PAQR5: variants seen among roughly 807,000 people sequenced by gnomAD.
PAQR5 encodes progestin and adipoQ receptor family member 5.
A neutral mutation model predicts 34.5 loss-of-function variants in PAQR5; 20 were observed. The observed-to-expected ratio is 0.58, with a 90% CI of 0.41 to 0.84. PAQR5 has a LOEUF of 0.84. PAQR5 is among the 40% of genes least tolerant of loss of function. PAQR5 has a pLI of 0.00. For synonymous variants in PAQR5, 131 were observed against 155.6 expected, an observed-to-expected ratio of 0.84 and a Z score of 1.18; for missense variants, 378 against 412.7, an observed-to-expected ratio of 0.92 and a Z score of 0.73.
rs536101497 is a variant in PAQR5, at chr15:69,366,380, T to C, written c.51+6249T>C. Among the ~76,000 whole-genome samples, 9 of 152,318 alleles carry C rather than the reference T, an allele frequency of 5.9e-5. 1 individual carries two copies. In the South Asian group the frequency reaches 1.9e-3, roughly 32 times the overall value. ...TTGATGAACAGGTGAGTTGTTTCTA[T>C]TTTTTGGATATTATAAATATGCTGC... On this transcript the variant is annotated intron_variant, in intron 3 of 8. Transcript: ENST00000395407.
chr15:69,331,482 C>T (rs895795766), intron 1 of PAQR5, among the ~76,000 whole-genome samples: 1 of 152,126 alleles, frequency 6.6e-6, no homozygotes, highest in Non-Finnish European at 1.5e-5. Flanking sequence ...CTGTCTATCT[C>T]GTCTTTGTGT....
In PAQR5 at chr15:69,384,874, T is replaced by C; in HGVS notation, c.377T>C (p.Phe126Ser). 6.2e-7 allele frequency: 1 copy of C among 1,613,512 alleles called. No individual in the cohort carries two copies. Among genetic ancestry groups the C allele is most frequent in the East Asian group, 2.2e-5 (1 of 44,880 alleles). Residue 126 changes from phenylalanine to serine, a missense_variant, in exon 5 of 9, where the codon TTC becomes TCC. Phe to Ser is a radical substitution (Grantham distance 155). Coordinates refer to ENST00000395407, the MANE Select transcript of PAQR5 (RefSeq NM_017705.4). ...YFLDYGAVNL[F>S]SLGSAIAYSA... The stretch of plus-strand genomic sequence containing the variant: ...CTGGACTATGGTGCCGTCAACCTCT[T>C]CAGCCTGGGTATGTGAGGCCTTGTT...
intron 3 of PAQR5, among the ~76,000 whole-genome samples, chr15:69,379,166 C>A (rs1208618178): frequency 6.6e-6 from 1 of 152,130 alleles, no homozygotes; most frequent in Non-Finnish European, 1.5e-5. Context: ...GGCTGTTGTG[C>A]CTCTGGCCTC....
Position 69,379,901 on chromosome 15 carries a change from A to T in PAQR5, c.70A>T (p.Ile24Phe), listed in dbSNP as rs778022331. The part of the protein sequence containing the change: ...QIPQVFHEQG[I>F]LFGYRHPQSS... ...TCTGCAGGTGTTCCATGAGCAAGGCATCCTGTTCGGCTACCGCCATCCACA... is the reference window on the plus strand; with the variant it reads ...TCTGCAGGTGTTCCATGAGCAAGGCTTCCTGTTCGGCTACCGCCATCCACA... The change falls in exon 4 of 9, where the codon ATC (isoleucine) becomes TTC (phenylalanine). Residue 24 changes from isoleucine (I) to phenylalanine (F), a missense_variant. By Grantham distance (21) the Ile-to-Phe change is conservative. Transcript: ENST00000395407. 1.9e-6 allele frequency: 3 copies of T among 1,614,090 alleles called. No individual in the cohort carries two copies. Among genetic ancestry groups the T allele is most frequent in the Non-Finnish European group, 2.5e-6 (3 of 1,180,012 alleles).
rs111647955 is a variant in PAQR5, at chr15:69,339,168, A to ACCCCCCCCCCCCCCC, written c.-116+1668_-116+1669insCCCCCCCCCCCCCCC. 3.7e-4 allele frequency among the ~76,000 whole-genome samples: 49 copies of ACCCCCCCCCCCCCCC among 134,034 alleles called. 1 individual carries two copies. The highest frequency in any genetic ancestry group is 5.6e-4 in the Non-Finnish European group (34 of 60,286). 87.9% of individuals were successfully genotyped at this position (134,034 alleles called of 152,430 possible). On this transcript the variant is annotated intron_variant, in intron 2 of 8. Coordinates refer to ENST00000395407, the MANE Select transcript of PAQR5 (RefSeq NM_017705.4). ...AGTCACCACTCCTGGCCCACTGGCT[A>ACCCCCCCCCCCCCCC]CACCCCCCACCCCGCCACCAAGTTA...
chr15:69,341,774 A>G (rs752841596), intron 2 of PAQR5, among the ~76,000 whole-genome samples: 2 of 151,948 alleles, frequency 1.3e-5, no homozygotes, highest in African/African-American at 2.4e-5. Context: ...GGGAGGACTC[A>G]TCTCTACAAA....
At chr15:69,357,313 G>T (rs1258683892) in intron 2 of PAQR5, among the ~76,000 whole-genome samples, 1 of 152,082 alleles carries the variant, frequency 6.6e-6, no homozygotes, top group African/African-American at 2.4e-5. Flanking sequence ...GTCCAGGCTG[G>T]AGTGTAGTGG....
Position 69,322,750 on chromosome 15 carries a change from AAGAAGAAGAAGAAGAAGAAGAGGG to A in PAQR5, c.-276-14578_-276-14555del, listed in dbSNP as rs1566997785. 3.8e-3 allele frequency among the ~76,000 whole-genome samples: 152 copies of A among 40,410 alleles called. 3 individuals are homozygous for A. Among genetic ancestry groups the A allele is most frequent in the Non-Finnish European group, 4.9e-3 (97 of 19,660 alleles). 26.5% of individuals were successfully genotyped at this position (40,410 alleles called of 152,430 possible). A position where few individuals can be genotyped will look rare whatever the true frequency, so the allele number is the denominator to read the frequency against. On this transcript the variant is annotated intron_variant, in intron 1 of 8. Transcript: ENST00000395407. ...GAAGAAGAAGAAGAAGAAGAAGAAG[AAGAAGAAGAAGAAGAAGAAGAGGG>A]AGAAGAAGAAGACGAGGAAGAAGAA...
At chr15:69,355,364 CTTT>C (rs2055047263) in intron 2 of PAQR5, among the ~76,000 whole-genome samples, 1 of 53,434 alleles carries the variant, frequency 1.9e-5, no homozygotes, top group Non-Finnish European at 3.8e-5. Flanking sequence ...TTCTTTCTTT[CTTT>C]CTTTCTTTCT....
rs2054432952 is a variant in PAQR5, at chr15:69,333,329, C to G, written c.-276-4012C>G. Among the ~76,000 whole-genome samples, 3 of 152,272 alleles carry G rather than the reference C, an allele frequency of 2.0e-5. No individual in the cohort carries two copies. The South Asian group carries it at 6.2e-4, about 32-fold the overall frequency. On this transcript the variant is annotated intron_variant, in intron 1 of 8. Coordinates refer to ENST00000395407, the MANE Select transcript of PAQR5 (RefSeq NM_017705.4). ...ATCAAAGGCTCTGTTCTGTTTTTCA[C>G]TGTGTTATCTGACAGTTTTGATTTT...
At chr15:69,397,721 G>A (rs2056491255) in intron 7 of PAQR5, 157 bp downstream of exon 7, 1 of 639,746 alleles carries the variant, frequency 1.6e-6, no homozygotes, top group Non-Finnish European at 2.8e-6. Flanking sequence ...CACACCTGTG[G>A]GTATTTCTCG....
intron 7 of PAQR5, 57 bp downstream of exon 7, chr15:69,397,621 T>A (rs980569328): frequency 7.0e-6 from 8 of 1,144,826 alleles, no homozygotes; most frequent in Non-Finnish European, 1.1e-5. Flanking sequence ...AGTCAGTTGT[T>A]TTCCTGAGCT....
intron 6 of PAQR5, among the ~76,000 whole-genome samples, chr15:69,395,159 G>A (rs2056383225): frequency 6.6e-6 from 1 of 152,202 alleles, no homozygotes; most frequent in Non-Finnish European, 1.5e-5. Context: ...TGCCGCGGCA[G>A]GGCAGGGTCT....
intron 2 of PAQR5, among the ~76,000 whole-genome samples, chr15:69,343,255 T>C (rs1017493681): frequency 6.6e-6 from 1 of 152,214 alleles, no homozygotes; most frequent in African/African-American, 2.4e-5. Context: ...AACAAAGAAG[T>C]GGCATCACAG....
Position 69,368,938 on chromosome 15 carries a change from T to A in PAQR5, c.51+8807T>A, listed in dbSNP as rs2899750. ...GCTCCACCATACCCAGCTAATTTTTTAAAAAAATTTTGTAGAGATGAGGGT... is the reference window on the plus strand; with the variant it reads ...GCTCCACCATACCCAGCTAATTTTTAAAAAAAATTTTGTAGAGATGAGGGT... On this transcript the variant is annotated intron_variant, in intron 3 of 8. Transcript: ENST00000395407. 2.0e-4 allele frequency among the ~76,000 whole-genome samples: 31 copies of A among 152,020 alleles called. No individual in the cohort carries two copies. The East Asian group carries it at 4.5e-3, about 22-fold the overall frequency.
At chr15:69,400,218 A>C in intron 8 of PAQR5, 103 bp downstream of exon 8, 3 of 1,185,278 alleles carry the variant, frequency 2.5e-6, no homozygotes. Context: ...AGGGAAGGGC[A>C]GAGAGAGAGG....
chr15:69,343,194 G>A (rs2054684746), intron 2 of PAQR5, among the ~76,000 whole-genome samples: 1 of 152,154 alleles, frequency 6.6e-6, no homozygotes, highest in African/African-American at 2.4e-5. Context: ...CCTTTGTTTT[G>A]CATTACCCGA....
At chr15:69,346,770 C>T (rs113423234) in intron 2 of PAQR5, among the ~76,000 whole-genome samples, 4,122 of 151,546 alleles carry the variant, frequency 0.027, 121 homozygotes, top group East Asian at 0.12. Flanking sequence ...TGCAGGCATG[C>T]ACCACCACAC....
chr15:69,299,841 C>T (rs2053489116), intron 1 of PAQR5, among the ~76,000 whole-genome samples: 1 of 152,178 alleles, frequency 6.6e-6, no homozygotes, highest in South Asian at 2.1e-4. Context: ...TGCCCCTTCC[C>T]ACGCAGAGCC....
Sources: gnomAD v4.1 joint callset for allele counts (sites outside exome capture counted in the v4.1 genomes callset) on GRCh38, gnomAD v4.1.1 for gene constraint, MANE v1.5 for transcripts, NCBI Gene and HGNC (gene_info 2026-07-23, HGNC 2026-07-21) for gene names.